The following MARCHF10 variants were observed in gnomAD, a reference collection of about 807,000 sequenced individuals.
MARCHF10 encodes probable E3 ubiquitin-protein ligase MARCHF10.
In MARCHF10, 64 loss-of-function variants were observed where a neutral mutation model predicts 76.2. The ratio of observed to expected loss-of-function variants is 0.84; its 90% CI spans 0.69 to 1.03. The LOEUF (loss-of-function observed/expected upper bound fraction) is 1.03. Among genes scored for constraint, MARCHF10 ranks in the 50% least tolerant of loss-of-function variants. The pLI is 0.00. For synonymous variants in MARCHF10, 340 were observed against 357.5 expected, an observed-to-expected ratio of 0.95 and a Z score of 0.55; for missense variants, 875 against 958.0, an observed-to-expected ratio of 0.91 and a Z score of 1.14.
At chr17:62,750,139 C>A (rs992115970) in intron 4 of MARCHF10, 4 of 153,446 alleles carry the variant, frequency 2.6e-5, no homozygotes, top group Admixed American at 2.0e-4. Flanking sequence ...CACCTGCCTT[C>A]CGGAAGCCCG....
At chr17:62,761,457 T>C (rs763572207) in intron 3 of MARCHF10, among the ~76,000 whole-genome samples, 7 of 152,180 alleles carry the variant, frequency 4.6e-5, no homozygotes, top group Non-Finnish European at 8.8e-5. Context: ...GTTTCACTCT[T>C]ATTGCCCAGG....
intron 8 of MARCHF10, among the ~76,000 whole-genome samples, chr17:62,715,811 A>C (rs2090162681): frequency 6.6e-6 from 1 of 152,174 alleles, no homozygotes; most frequent in South Asian, 2.1e-4. Flanking sequence ...TCATACTAGA[A>C]TAATCCGAGT....
chr17:62,703,976 G>C (rs931702321), intron 10 of MARCHF10, among the ~76,000 whole-genome samples: 4 of 152,140 alleles, frequency 2.6e-5, no homozygotes, highest in Non-Finnish European at 5.9e-5. Context: ...GAAGCCACGC[G>C]GGCGCGCCCG....
chr17:62,761,671 C>T (rs1403377861), intron 3 of MARCHF10, among the ~76,000 whole-genome samples: 2 of 152,174 alleles, frequency 1.3e-5, no homozygotes, highest in African/African-American at 4.8e-5. Flanking sequence ...ATCAACCCAT[C>T]TCAGCCTCCC....
chr17:62,716,557 G>A (rs1194236383), intron 8 of MARCHF10, among the ~76,000 whole-genome samples: 4 of 151,996 alleles, frequency 2.6e-5, no homozygotes, highest in Admixed American at 2.0e-4. Flanking sequence ...CCAGAGCTGG[G>A]GTTAGACCTG....
rs1399304462 is a variant in MARCHF10, at chr17:62,808,145, A to C, written c.-86T>G. The C allele has an allele frequency of 6.6e-6, 1 of 152,440 alleles. No individual in the cohort carries two copies. The highest frequency in any genetic ancestry group is 1.5e-5 in the Non-Finnish European group (1 of 68,368). 9.4% of individuals were successfully genotyped at this position (152,440 alleles called of 1,614,324 possible). On this transcript the variant is annotated 5_prime_UTR_variant, in exon 1 of 11. Transcript: ENST00000311269. ...AGGGGCTGGGCGGGCGGGCCGGTCC[A>C]GGGCGCAGGAGCCGCCCATTAATTG...
At chr17:62,722,371 C>A in intron 8 of MARCHF10, 117 bp downstream of exon 8, 3 of 636,304 alleles carry the variant, frequency 4.7e-6, no homozygotes, top group South Asian at 2.0e-5. Flanking sequence ...TGGATATTGT[C>A]AGACTCCTGC....
intron 4 of MARCHF10, among the ~76,000 whole-genome samples, chr17:62,755,567 A>T (rs566714221): frequency 1.3e-5 from 2 of 152,152 alleles, no homozygotes; most frequent in African/African-American, 4.8e-5. Flanking sequence ...AACTAAGAAC[A>T]TGTAACTCCA....
intron 3 of MARCHF10, among the ~76,000 whole-genome samples, chr17:62,762,056 A>T (rs2092218720): frequency 6.6e-6 from 1 of 152,208 alleles, no homozygotes; most frequent in African/African-American, 2.4e-5. Flanking sequence ...CAGCAGCAGC[A>T]GCAGGTGTCC....
intron 8 of MARCHF10, among the ~76,000 whole-genome samples, chr17:62,714,584 C>T (rs1461555556): frequency 6.6e-6 from 1 of 152,070 alleles, no homozygotes; most frequent in Non-Finnish European, 1.5e-5. Context: ...TAAATATATG[C>T]ACAGATGAAG....
Position 62,711,231 on chromosome 17 carries a change from C to T in MARCHF10, c.2328G>A (p.Arg776=), listed in dbSNP as rs751892910. 1 of 1,613,660 alleles carries T rather than the reference C, an allele frequency of 6.2e-7. No individual in the cohort carries two copies. Among genetic ancestry groups the T allele is most frequent in the Non-Finnish European group, 8.5e-7 (1 of 1,179,620 alleles). The change falls in exon 9 of 11, where the codon AGG becomes AGA. Residue 776 remains arginine, a splice_region_variant and synonymous_variant. Coordinates refer to ENST00000311269, the MANE Select transcript of MARCHF10 (RefSeq NM_152598.4). The surrounding 1 kb of genome is among the most constrained non-coding windows in gnomAD (Gnocchi z 4.4). The part of the protein sequence containing the change: ...RLNHNQVERE[R]LSRNYPQPRT... ...AGCTCTGGGTCACAGCCAGACTTAC[C>T]CTCTCTCTTTCCACCTGGTTGTGGT...
At chr17:62,802,251 G>C (rs1355569211) in intron 1 of MARCHF10, among the ~76,000 whole-genome samples, 3 of 152,032 alleles carry the variant, frequency 2.0e-5, no homozygotes, top group Admixed American at 6.6e-5. Flanking sequence ...ACGGAGTTTT[G>C]CATTTGTTGC....
chr17:62,791,423 A>G (rs2092840393), intron 2 of MARCHF10, among the ~76,000 whole-genome samples: 1 of 152,260 alleles, frequency 6.6e-6, no homozygotes, highest in South Asian at 2.1e-4. Context: ...TGGGATGAAC[A>G]GAATTCTTGT....
chr17:62,746,488 G>C (rs2091709099), intron 4 of MARCHF10, among the ~76,000 whole-genome samples: 1 of 151,782 alleles, frequency 6.6e-6, no homozygotes, highest in African/African-American at 2.4e-5. Context: ...AGAGGGATCA[G>C]GTGTTTTACA....
intron 1 of MARCHF10, among the ~76,000 whole-genome samples, chr17:62,807,390 G>T (rs2093178987): frequency 6.6e-6 from 1 of 152,092 alleles, no homozygotes; most frequent in Non-Finnish European, 1.5e-5. Flanking sequence ...GTGGGGAACA[G>T]ACTTGTGTTT....
chr17:62,789,153 G>A (rs1250140289), intron 2 of MARCHF10, among the ~76,000 whole-genome samples: 1 of 151,216 alleles, frequency 6.6e-6, no homozygotes, highest in African/African-American at 2.4e-5. Context: ...CATACTGAGA[G>A]GCATTTTGTC....
chr17:62,791,963 T>G (rs1024693861), intron 2 of MARCHF10, among the ~76,000 whole-genome samples: 1 of 152,136 alleles, frequency 6.6e-6, no homozygotes, highest in Non-Finnish European at 1.5e-5. Context: ...CATTCTCCCC[T>G]TTCAATTGCA....
rs2090543051 is a variant in MARCHF10, at chr17:62,722,550, G to C, written c.2152C>G (p.Leu718Val). Residue 718 changes from leucine to valine, a missense_variant, in exon 8 of 11, where the codon CTG (leucine) becomes GTG (valine). By Grantham distance (32) the Leu-to-Val change is conservative. Coordinates refer to ENST00000311269, the MANE Select transcript of MARCHF10 (RefSeq NM_152598.4). ...TTAAAGTCACCCAGGTCAACCAGCA[G>C]GCCTTGCTTACACATCTCACAGGTC... ...VKTCEMCKQG[L>V]LVDLGDFNMI... is the part of the protein sequence containing the mutation. 1.9e-6 allele frequency: 3 copies of C among 1,613,968 alleles called. No homozygotes were observed. The highest frequency in any genetic ancestry group is 2.5e-6 in the Non-Finnish European group (3 of 1,179,970).
chr17:62,727,204 TCTTAA>T (rs1440160049), intron 6 of MARCHF10, among the ~76,000 whole-genome samples: 6 of 152,214 alleles, frequency 3.9e-5, no homozygotes, highest in Admixed American at 6.5e-5. Context: ...AATATCTGAC[TCTTAA>T]CTTAAGGTCC....
Sources: allele counts gnomAD v4.1 joint callset (sites outside exome capture counted in the v4.1 genomes callset), GRCh38; gene constraint gnomAD v4.1.1; non-coding constraint Gnocchi (gnomAD v3.1); transcripts MANE v1.5; gene names NCBI Gene and HGNC (gene_info 2026-07-23, HGNC 2026-07-21).